Variants in ADAMTS17 observed in about 807,000 individuals in gnomAD.
ADAMTS17 encodes A disintegrin and metalloproteinase with thrombospondin motifs 17.
Under a neutral mutation model 141.5 loss-of-function variants are expected in ADAMTS17, and 113 were observed. The ratio of observed to expected loss-of-function variants is 0.80; its 90% CI spans 0.69 to 0.93. The LOEUF (loss-of-function observed/expected upper bound fraction) is 0.93, where lower values mean the gene tolerates loss of function less well. Among genes scored for constraint, ADAMTS17 ranks in the 40% least tolerant of loss-of-function variants. The probability of loss-of-function intolerance (pLI) is 0.00; values close to 1 mark genes in which losing one functional copy is unlikely to be tolerated. For synonymous variants in ADAMTS17, 768 were observed against 630.6 expected, an observed-to-expected ratio of 1.22 and a Z score of -3.27; for missense variants, 1,659 against 1,517.9, an observed-to-expected ratio of 1.09 and a Z score of -1.54.
intron 6 of ADAMTS17, chr15:100,257,095 C>T (rs373089925): frequency 5.9e-5 from 9 of 152,250 alleles, no homozygotes; most frequent in Admixed American, 2.6e-4. Flanking sequence ...AAAAAAGAAC[C>T]TTAAACGGGA....
At chr15:100,339,181 T>C in intron 2 of ADAMTS17, 1 of 984,086 alleles carries the variant, frequency 1.0e-6, no homozygotes, top group Non-Finnish European at 1.2e-6. Flanking sequence ...CACCCTCACA[T>C]GGTGCTAAAG....
chr15:100,221,169 C>T (rs761500106), intron 7 of ADAMTS17, among the ~76,000 whole-genome samples: 1 of 152,024 alleles, frequency 6.6e-6, no homozygotes, highest in African/African-American at 2.4e-5. Context: ...GTGACACCTA[C>T]AAGATGCTCA....
intron 8 of ADAMTS17, among the ~76,000 whole-genome samples, chr15:100,193,780 G>A (rs1351861355): frequency 6.6e-6 from 1 of 152,216 alleles, no homozygotes; most frequent in African/African-American, 2.4e-5. Context: ...CACTACAGGA[G>A]AGGTCAACTC....
intron 18 of ADAMTS17, among the ~76,000 whole-genome samples, chr15:100,009,958 T>C (rs1001905578): frequency 4.5e-4 from 68 of 152,334 alleles, no homozygotes; most frequent in African/African-American, 1.5e-3. Context: ...GTAGCTCCTA[T>C]AATTCCCATG....
At position 100,266,522 on chromosome 15, in the gene ADAMTS17, C is replaced by T. The variant is rs547945041; in HGVS notation, c.790-4087G>A. 5.3e-5 allele frequency among the ~76,000 whole-genome samples: 8 copies of T among 152,302 alleles called. No individual in the cohort carries two copies. In the South Asian group the frequency reaches 6.2e-4, roughly 12 times the overall value. ...AGCCCATCCCTCTTCTGCTTAAGCC[C>T]GTGCAGCAGCTTCCCACTGCCTGGA... On this transcript the variant is annotated intron_variant, in intron 4 of 21. Transcript: ENST00000268070.
intron 7 of ADAMTS17, among the ~76,000 whole-genome samples, chr15:100,250,782 G>C (rs1484086927): frequency 6.6e-6 from 1 of 152,172 alleles, no homozygotes; most frequent in Non-Finnish European, 1.5e-5. Flanking sequence ...GGTTCTGAGA[G>C]GGTACTGCAG....
At chr15:100,204,221 C>G (rs1334993805) in intron 7 of ADAMTS17, among the ~76,000 whole-genome samples, 1 of 152,232 alleles carries the variant, frequency 6.6e-6, no homozygotes, top group African/African-American at 2.4e-5. Flanking sequence ...TGTATAAACT[C>G]TGGTTGATGC....
At chr15:100,322,277 G>T (rs145549241) in intron 3 of ADAMTS17, among the ~76,000 whole-genome samples, 1 of 152,110 alleles carries the variant, frequency 6.6e-6, no homozygotes, top group Non-Finnish European at 1.5e-5. Context: ...GGAAAGTATG[G>T]GGGAGGCATG....
At chr15:100,242,990 G>T (rs759481838) in intron 7 of ADAMTS17, among the ~76,000 whole-genome samples, 2 of 152,102 alleles carry the variant, frequency 1.3e-5, no homozygotes, top group Non-Finnish European at 2.9e-5. Flanking sequence ...CCATGACCGC[G>T]TTCCTCAGCT....
chr15:100,323,277 G>T (rs938189158), intron 3 of ADAMTS17, among the ~76,000 whole-genome samples: 9 of 151,978 alleles, frequency 5.9e-5, no homozygotes, highest in African/African-American at 1.7e-4. Context: ...TACAAATAAA[G>T]AAATTGAGAC....
At position 99,976,114 on chromosome 15, in the gene ADAMTS17, A is replaced by G. The variant is rs1375828859; in HGVS notation, c.3058T>C (p.Tyr1020His). Reference sequence around the variant, plus strand: ...CAGACCTCCTGGTAGCACTGTCTGTAGGGGGCAGGCTTCGAGAGGGCGGGG... The same window carrying G: ...CAGACCTCCTGGTAGCACTGTCTGTGGGGGGCAGGCTTCGAGAGGGCGGGG... ...ECPALSKPAP[Y>H]RQCYQEVCND... Residue 1020 changes from tyrosine (Y) to histidine (H), a missense_variant, in exon 21 of 22, where the codon TAC becomes CAC. By Grantham distance (83) the Tyr-to-His change is moderately conservative (BLOSUM62 2). Transcript: ENST00000268070. The G allele has an allele frequency of 6.4e-7, 1 of 1,551,514 alleles. No homozygotes were observed.
chr15:100,172,498 C>T (rs2040196938), intron 8 of ADAMTS17, among the ~76,000 whole-genome samples: 1 of 152,154 alleles, frequency 6.6e-6, no homozygotes, highest in African/African-American at 2.4e-5. Context: ...CCTGACTCAT[C>T]CTGGTCACCT....
At chr15:100,019,317 G>C (rs1268134710) in intron 18 of ADAMTS17, among the ~76,000 whole-genome samples, 1 of 152,102 alleles carries the variant, frequency 6.6e-6, no homozygotes, top group African/African-American at 2.4e-5. Flanking sequence ...ACGGGACTAG[G>C]GAGGGTCAAA....
intron 18 of ADAMTS17, among the ~76,000 whole-genome samples, chr15:100,030,121 G>A (rs1204387865): frequency 6.6e-6 from 1 of 152,164 alleles, no homozygotes; most frequent in Admixed American, 6.5e-5. Context: ...CACTGGGCAG[G>A]TGCAGCTGAA....
chr15:99,971,751 A>T lies in ADAMTS17; in HGVS notation c.*2651T>A, dbSNP rs1488176825. ...GGTTTAATTTTGCACCAATAAAAAT[A>T]GCACCGTAGGGTCGTGAGACTCTGG... On this transcript the variant is annotated 3_prime_UTR_variant, in exon 22 of 22. Transcript: ENST00000268070. 1 of 152,276 alleles carries T rather than the reference A, an allele frequency of 6.6e-6. No homozygotes were observed. The highest frequency in any genetic ancestry group is 2.4e-5 in the African/African-American group (1 of 41,480). 9.4% of individuals were successfully genotyped at this position (152,276 alleles called of 1,614,324 possible). A position where few individuals can be genotyped will look rare whatever the true frequency, so the allele number is the denominator to read the frequency against.
At chr15:100,239,889 C>T (rs902092078) in intron 7 of ADAMTS17, among the ~76,000 whole-genome samples, 2 of 152,152 alleles carry the variant, frequency 1.3e-5, no homozygotes, top group African/African-American at 4.8e-5. Context: ...CCACGCCCCA[C>T]CTTCAGGATC....
intron 3 of ADAMTS17, among the ~76,000 whole-genome samples, chr15:100,297,291 G>A (rs1313901153): frequency 6.6e-6 from 1 of 152,206 alleles, no homozygotes; most frequent in Non-Finnish European, 1.5e-5. Flanking sequence ...GCAGGGTCAT[G>A]TGGGATGTGT....
intron 15 of ADAMTS17, among the ~76,000 whole-genome samples, chr15:100,074,652 A>C (rs1311569201): frequency 1.3e-5 from 2 of 152,076 alleles, no homozygotes; most frequent in Admixed American, 1.3e-4. Context: ...CTTTTGCAAA[A>C]TTATTCCTAA....
chr15:100,245,794 T>TG (rs765244978), intron 7 of ADAMTS17, among the ~76,000 whole-genome samples: 1 of 152,188 alleles, frequency 6.6e-6, no homozygotes, highest in Non-Finnish European at 1.5e-5. Flanking sequence ...TAGGCATAGA[T>TG]GGAGCCTCGC....
Sources: gnomAD v4.1 joint callset for allele counts (sites outside exome capture counted in the v4.1 genomes callset) on GRCh38, gnomAD v4.1.1 for gene constraint, MANE v1.5 for transcripts, NCBI Gene and HGNC (gene_info 2026-07-23, HGNC 2026-07-21) for gene names.